Variants in CTNND2 observed in about 807,000 individuals in gnomAD.
CTNND2 encodes the protein catenin delta-2.
CTNND2 carries 22 observed loss-of-function variants against 144.4 expected under a neutral mutation model. The observed-to-expected ratio is 0.15, with a 90% CI of 0.11 to 0.22. The LOEUF (loss-of-function observed/expected upper bound fraction) is 0.22, where lower values mean the gene tolerates loss of function less well. Ranked by LOEUF, CTNND2 falls within the 10% of genes least tolerant of loss-of-function variation. CTNND2 has a pLI of 1.00. For missense variants in CTNND2, 1,353 were observed against 1,618.8 expected (o/e 0.84, Z 2.82); for synonymous variants, 751 against 695.6 (o/e 1.08, Z -1.25).
At chr5:11,198,063 T>C (rs1336961627) in intron 11 of CTNND2, among the ~76,000 whole-genome samples, 1 of 152,194 alleles carries the variant, frequency 6.6e-6, no homozygotes, top group Non-Finnish European at 1.5e-5. Context: ...CTGAGCTCTT[T>C]CTTTTGCAGG....
intron 1 of CTNND2, among the ~76,000 whole-genome samples, chr5:11,735,841 T>C (rs1787653175): frequency 6.6e-6 from 1 of 152,148 alleles, no homozygotes; most frequent in African/African-American, 2.4e-5. Flanking sequence ...CTCTATAAAT[T>C]ACTCAGTCTT....
intron 9 of CTNND2, among the ~76,000 whole-genome samples, chr5:11,309,649 T>C (rs946195578): frequency 1.3e-5 from 2 of 152,292 alleles, no homozygotes; most frequent in East Asian, 3.9e-4. Flanking sequence ...TGAAATGAGT[T>C]AAGACTTGGG....
intron 9 of CTNND2, among the ~76,000 whole-genome samples, chr5:11,315,506 T>C (rs913948240): frequency 2.0e-5 from 3 of 152,228 alleles, no homozygotes; most frequent in Admixed American, 1.3e-4. Context: ...AACTGGGAAA[T>C]TGTAAATGAT....
chr5:11,875,194 G>T lies in CTNND2; in HGVS notation c.37+28623C>A, dbSNP rs1285868150. ...CTGGTAGAAACCTTTGTTGTTCAGG[G>T]TTTCAAACTCTAAGTACAAGCTAGC... On this transcript the variant is annotated intron_variant, in intron 1 of 21. Transcript: ENST00000304623. Among the ~76,000 whole-genome samples, 5 of 152,234 alleles carry T rather than the reference G, an allele frequency of 3.3e-5. No homozygotes were observed. The East Asian group carries it at 9.7e-4, about 29-fold the overall frequency.
At chr5:11,340,374 T>C (rs1754124686) in intron 9 of CTNND2, among the ~76,000 whole-genome samples, 2 of 152,178 alleles carry the variant, frequency 1.3e-5, no homozygotes, top group South Asian at 2.1e-4. Flanking sequence ...GAATCTTCCA[T>C]GGAAAAGCCA....
intron 12 of CTNND2, among the ~76,000 whole-genome samples, chr5:11,138,209 T>C (rs1260768584): frequency 6.6e-6 from 1 of 152,202 alleles, no homozygotes; most frequent in East Asian, 1.9e-4. Flanking sequence ...CTCATTCTGC[T>C]GCATCTCCCT....
At chr5:11,399,464 T>C (rs1437806923) in intron 5 of CTNND2, among the ~76,000 whole-genome samples, 3 of 152,242 alleles carry the variant, frequency 2.0e-5, no homozygotes, top group East Asian at 1.9e-4. Flanking sequence ...TTTGAGTATG[T>C]AGTTAGCAAG....
chr5:11,129,233 T>TTATATATTTATATATTATATATAA (rs1755267422), intron 12 of CTNND2, among the ~76,000 whole-genome samples: 1 of 42,874 alleles, frequency 2.3e-5, no homozygotes. Context: ...TAAATATATA[T>TTATATATTTATATATTATATATAA]TATATATTAT....
chr5:11,363,049 C>T (rs868342834), intron 8 of CTNND2, among the ~76,000 whole-genome samples: 1 of 152,142 alleles, frequency 6.6e-6, no homozygotes, highest in Non-Finnish European at 1.5e-5. Flanking sequence ...TTTGATTTTT[C>T]CCCCCAATCA....
intron 16 of CTNND2, among the ~76,000 whole-genome samples, chr5:11,035,561 G>A (rs552024257): frequency 2.6e-5 from 4 of 152,238 alleles, no homozygotes; most frequent in African/African-American, 9.6e-5. Context: ...GCCACGTAAG[G>A]TGGCACAGCC....
rs1447443949 is a variant in CTNND2 at position 11,145,720 on chromosome 5, C to CGT, written c.2159+13854_2159+13855dup. ...TGCATTTGTATAGCAAGAGGAGCCCCGTGTCTCTTCCAATCACACTTCCAT... is the reference window on the plus strand; with the variant it reads ...TGCATTTGTATAGCAAGAGGAGCCCCGTGTGTCTCTTCCAATCACACTTCCAT... On this transcript the variant is annotated intron_variant, in intron 12 of 21. Transcript: ENST00000304623. Among the ~76,000 whole-genome samples, 7 of 152,266 alleles carry CGT rather than the reference C, an allele frequency of 4.6e-5. No individual in the cohort carries two copies. The Middle Eastern group carries it at 0.01, about 222-fold the overall frequency.
At chr5:11,174,131 G>A (rs1229382608) in intron 11 of CTNND2, among the ~76,000 whole-genome samples, 2 of 152,174 alleles carry the variant, frequency 1.3e-5, no homozygotes, top group Admixed American at 6.5e-5. Flanking sequence ...GAACACTGGA[G>A]GAGGGAGAGG....
intron 3 of CTNND2, among the ~76,000 whole-genome samples, chr5:11,474,116 A>G (rs28015): frequency 0.34 from 51,977 of 152,178 alleles, 9,664 homozygotes; most frequent in South Asian, 0.45. Context: ...TGTCTGGAGA[A>G]AAACCTTCAA....
In CTNND2 at chr5:11,397,034, G is replaced by A. The variant is rs1330741859; in HGVS notation, c.609C>T (p.Ser203=). 3 of 1,612,944 alleles carry A rather than the reference G, an allele frequency of 1.9e-6. No homozygotes were observed. The highest frequency in any genetic ancestry group is 2.5e-6 in the Non-Finnish European group (3 of 1,179,856). ...TQARATGQSF[S]QGTTSRAGHL... The stretch of plus-strand genomic sequence containing the variant: ...CCATACAGCACTGGGTACCTACCTG[G>A]CTGAAGCTCTGGCCCGTAGCTCGGG... The change falls in exon 6 of 22, where the codon AGC becomes AGT. Residue 203 remains serine, a synonymous_variant. Transcript: ENST00000304623.
chr5:11,695,606 G>A (rs373165023), intron 2 of CTNND2, among the ~76,000 whole-genome samples: 8 of 152,162 alleles, frequency 5.3e-5, no homozygotes, highest in East Asian at 3.9e-4. Context: ...TTTTTATTCC[G>A]TAACAATGTC....
Position 11,466,559 on chromosome 5 carries a change from T to C in CTNND2, c.288-54490A>G, listed in dbSNP as rs554693039. On this transcript the variant is annotated intron_variant, in intron 3 of 21. Coordinates refer to ENST00000304623, the MANE Select transcript of CTNND2 (RefSeq NM_001332.4). ...TAATGAAAAACTAGTAACAAGAAAATGTAATCTCTTCTCTCTTCCTTTTTT... is the reference window on the plus strand; with the variant it reads ...TAATGAAAAACTAGTAACAAGAAAACGTAATCTCTTCTCTCTTCCTTTTTT... 9.9e-5 allele frequency among the ~76,000 whole-genome samples: 15 copies of C among 152,278 alleles called. No individual in the cohort carries two copies. The South Asian group carries it at 3.1e-3, about 32-fold the overall frequency.
chr5:11,657,444 C>G (rs879257266), intron 2 of CTNND2, among the ~76,000 whole-genome samples: 1 of 152,068 alleles, frequency 6.6e-6, no homozygotes, highest in Non-Finnish European at 1.5e-5. Flanking sequence ...CTTCCTTCTT[C>G]TTTCTCTCTC....
At chr5:11,673,746 C>T (rs568570706) in intron 2 of CTNND2, among the ~76,000 whole-genome samples, 8 of 152,136 alleles carry the variant, frequency 5.3e-5, no homozygotes, top group Middle Eastern at 3.4e-3. Context: ...GGAATTTATG[C>T]AAGACATTTA....
intron 19 of CTNND2, 98 bp downstream of exon 19, chr5:10,992,453 G>A (rs1455981236): frequency 6.5e-7 from 1 of 1,535,426 alleles, no homozygotes; most frequent in African/African-American, 1.4e-5. Context: ...CTGAATGGAA[G>A]GCTCTCCTCT....
Sources: gnomAD v4.1 joint callset for allele counts (sites outside exome capture counted in the v4.1 genomes callset) on GRCh38, gnomAD v4.1.1 for gene constraint, MANE v1.5 for transcripts, NCBI Gene and HGNC (gene_info 2026-07-23, HGNC 2026-07-21) for gene names.